RINT1: variants seen among roughly 807,000 people sequenced by gnomAD.
RINT1 encodes the protein RAD50 interactor 1.
RINT1 carries 75 observed loss-of-function variants against 97.7 expected under a neutral mutation model. That is an observed-to-expected ratio of 0.77 (90% CI 0.64 to 0.93). The LOEUF is 0.93. Ranked by LOEUF, RINT1 falls within the 40% of genes least tolerant of loss-of-function variation. The pLI is 0.00. For synonymous variants in RINT1, 303 were observed against 326.3 expected (o/e 0.93, Z 0.77); for missense variants, 892 against 925.2 (o/e 0.96, Z 0.47).
Position 105,563,654 on chromosome 7 carries a change from G to T in RINT1, c.1672-79G>T, listed in dbSNP as rs1409686385. ...GTCGAATTATACACTTTAAATGGGTGAATTGTATGACATATGAATTCTATT... is the reference window on the plus strand; with the variant it reads ...GTCGAATTATACACTTTAAATGGGTTAATTGTATGACATATGAATTCTATT... On this transcript the variant is annotated intron_variant, in intron 11 of 14. Coordinates refer to ENST00000257700, the MANE Select transcript of RINT1 (RefSeq NM_021930.6). 3.3e-6 allele frequency: 4 copies of T among 1,201,064 alleles called. No homozygotes were observed. In the East Asian group the frequency reaches 7.1e-5, roughly 21 times the overall value. 74.4% of individuals were successfully genotyped at this position (1,201,064 alleles called of 1,614,324 possible). A position where few individuals can be genotyped will look rare whatever the true frequency, so the allele number is the denominator to read the frequency against.
chr7:105,537,112 C>T (rs976145728), intron 3 of RINT1, among the ~76,000 whole-genome samples: 4 of 128,652 alleles, frequency 3.1e-5, no homozygotes, highest in Admixed American at 1.5e-4. Context: ...ATGGTGTAAA[C>T]ACCATCATTT....
At chr7:105,555,896 G>A (rs1306042850) in intron 11 of RINT1, among the ~76,000 whole-genome samples, 1 of 152,028 alleles carries the variant, frequency 6.6e-6, no homozygotes, top group Non-Finnish European at 1.5e-5. Context: ...AGGCTGAGGT[G>A]GGAGGATCAC....
intron 12 of RINT1, 162 bp from the exon 13 acceptor site, chr7:105,565,115 A>G (rs1791640246): frequency 5.7e-6 from 3 of 524,310 alleles, no homozygotes; most frequent in Non-Finnish European, 9.9e-6. Context: ...AAATATAAAT[A>G]CAGGTACATT....
chr7:105,539,985 A>G (rs1249182925), intron 3 of RINT1, among the ~76,000 whole-genome samples: 2 of 151,986 alleles, frequency 1.3e-5, no homozygotes, highest in Admixed American at 1.3e-4. Flanking sequence ...GATTGAAATT[A>G]TTCTATAATG....
rs770355510 is a variant in RINT1 at position 105,542,390 on chromosome 7, T to C, written c.274-18T>C. On this transcript the variant is annotated intron_variant, in intron 3 of 14. Coordinates refer to ENST00000257700, the MANE Select transcript of RINT1 (RefSeq NM_021930.6). ...TGCTGCTGTTCTTTCTTTCTTTCTT[T>C]TTTAAAATTATGGTCAGGTACTTAC... 1 of 1,544,206 alleles carries C rather than the reference T, an allele frequency of 6.5e-7. No homozygotes were observed. The highest frequency in any genetic ancestry group is 2.3e-5 in the East Asian group (1 of 44,406).
At chr7:105,544,401 C>CT (rs1294197214) in intron 4 of RINT1, among the ~76,000 whole-genome samples, 6 of 151,056 alleles carry the variant, frequency 4.0e-5, no homozygotes, top group Non-Finnish European at 5.9e-5. Flanking sequence ...CTTTTTTCTT[C>CT]TTTTTTTTAA....
chr7:105,565,215 A>C, intron 12 of RINT1, 62 bp from the exon 13 acceptor site: 1 of 1,469,324 alleles, frequency 6.8e-7, no homozygotes, highest in East Asian at 2.3e-5. Context: ...ATTTAAAATG[A>C]TTTAAAAACT....
intron 4 of RINT1, among the ~76,000 whole-genome samples, 171 bp from the exon 5 acceptor site, chr7:105,546,738 TG>T (rs1183253086): frequency 6.6e-6 from 1 of 151,972 alleles, no homozygotes; most frequent in African/African-American, 2.4e-5. Context: ...TAGCCAGGCA[TG>T]GGGGCGCATG....
At chr7:105,537,720 C>T (rs1282058704) in intron 3 of RINT1, among the ~76,000 whole-genome samples, 1 of 151,556 alleles carries the variant, frequency 6.6e-6, no homozygotes, top group Non-Finnish European at 1.5e-5. Flanking sequence ...CCTGTAATCC[C>T]AGCTACTCGG....
At position 105,565,532 on chromosome 7, in the gene RINT1, A is replaced by G; in HGVS notation, c.2070A>G (p.Ile690Met). ...EKLDVYIYQE[I>M]ILANHFNEGG... The stretch of plus-strand genomic sequence containing the variant: ...ATATGAATTATTCTTTGTTTCAGAT[A>G]ATTCTTGCTAATCACTTCAATGAAG... Residue 690 changes from isoleucine (I) to methionine (M), a missense_variant and splice_region_variant, in exon 14 of 15, where the codon ATA (isoleucine) becomes ATG (methionine). By Grantham distance (10) the Ile-to-Met change is conservative (BLOSUM62 1). Transcript: ENST00000257700. 1 of 1,612,898 alleles carries G rather than the reference A, an allele frequency of 6.2e-7. No homozygotes were observed.
At chr7:105,537,424 C>G (rs1476873305) in intron 3 of RINT1, among the ~76,000 whole-genome samples, 1 of 151,710 alleles carries the variant, frequency 6.6e-6, no homozygotes, top group Non-Finnish European at 1.5e-5. Flanking sequence ...GCTGCTATAC[C>G]CGGCCACATT....
At chr7:105,535,540 C>G (rs1297792390) in intron 2 of RINT1, 2 of 450,586 alleles carry the variant, frequency 4.4e-6, no homozygotes, top group East Asian at 1.4e-4. Flanking sequence ...ACCTTTTTTA[C>G]TTTTTTGTTT....
chr7:105,536,453 C>T (rs1043587492), intron 2 of RINT1, 112 bp from the exon 3 acceptor site: 8 of 752,894 alleles, frequency 1.1e-5, no homozygotes, highest in African/African-American at 7.2e-5. Flanking sequence ...GCCACCGTGC[C>T]TGGCAAAATT....
Position 105,542,618 on chromosome 7 carries a change from C to T in RINT1, c.484C>T (p.Leu162Phe). The T allele has an allele frequency of 6.2e-7, 1 of 1,612,528 alleles. No individual in the cohort carries two copies. The highest frequency in any genetic ancestry group is 8.5e-7 in the Non-Finnish European group (1 of 1,179,570). The change falls in exon 4 of 15, where the codon CTT becomes TTT. Residue 162 changes from leucine to phenylalanine, a missense_variant. Coordinates refer to ENST00000257700, the MANE Select transcript of RINT1 (RefSeq NM_021930.6). ...AGAGATCGAACGTCATCTTGCTTACCTTAAATGGATTTCACAAATTGAAGA... is the reference window on the plus strand; with the variant it reads ...AGAGATCGAACGTCATCTTGCTTACTTTAAATGGATTTCACAAATTGAAGA... ...IEEIERHLAY[L>F]KWISQIEELS...
intron 4 of RINT1, 22 bp from the exon 5 acceptor site, chr7:105,546,888 A>G: frequency 1.3e-6 from 2 of 1,564,706 alleles, no homozygotes; most frequent in Admixed American, 2.0e-5. Flanking sequence ...AGAAAAAAAA[A>G]TTTGCTTTAC....
rs1486906025 is a variant in RINT1 at position 105,536,548 on chromosome 7, T to G, written c.89-17T>G. 4 of 1,534,230 alleles carry G rather than the reference T, an allele frequency of 2.6e-6. No individual in the cohort carries two copies. Among genetic ancestry groups the G allele is most frequent in the Non-Finnish European group, 3.5e-6 (4 of 1,128,702 alleles). ...AGTACTTAGTGGCGTTGAGTAATTGTTATTCTTTTGTTGTAGGTGACATAA... is the reference window on the plus strand; with the variant it reads ...AGTACTTAGTGGCGTTGAGTAATTGGTATTCTTTTGTTGTAGGTGACATAA... On this transcript the variant is annotated splice_polypyrimidine_tract_variant and intron_variant, in intron 2 of 14. Transcript: ENST00000257700.
intron 12 of RINT1, among the ~76,000 whole-genome samples, chr7:105,564,567 T>C (rs1791604344): frequency 6.6e-6 from 1 of 152,218 alleles, no homozygotes; most frequent in Admixed American, 6.5e-5. Flanking sequence ...TGTGAACACC[T>C]GTGTTACTTT....
At chr7:105,562,033 C>A (rs561550106) in intron 11 of RINT1, among the ~76,000 whole-genome samples, 69 of 152,178 alleles carry the variant, frequency 4.5e-4, no homozygotes, top group African/African-American at 1.4e-3. Flanking sequence ...TCCCTAAAGC[C>A]AATCACTTTG....
At chr7:105,561,261 C>T (rs533837198) in intron 11 of RINT1, among the ~76,000 whole-genome samples, 166 of 152,152 alleles carry the variant, frequency 1.1e-3, no homozygotes, top group African/African-American at 3.2e-3. Context: ...GGCATGGTGG[C>T]TCACACCTGT....
Sources: gnomAD v4.1 joint callset for allele counts (sites outside exome capture counted in the v4.1 genomes callset) on GRCh38, gnomAD v4.1.1 for gene constraint, MANE v1.5 for transcripts, NCBI Gene and HGNC (gene_info 2026-07-23, HGNC 2026-07-21) for gene names.